SYN3: variants seen among roughly 807,000 people sequenced by gnomAD.
SYN3 encodes the protein synapsin-3.
SYN3 carries 35 observed loss-of-function variants against 65.8 expected under a neutral mutation model. That is an observed-to-expected ratio of 0.53 (90% confidence interval 0.41 to 0.70). The LOEUF (loss-of-function observed/expected upper bound fraction) is 0.70, where lower values mean the gene tolerates loss of function less well. Ranked by LOEUF, SYN3 falls within the 30% of genes least tolerant of loss-of-function variation. The pLI is 0.00. For synonymous variants in SYN3, 270 were observed against 292.9 expected (o/e 0.92, Z 0.80); for missense variants, 680 against 749.0 (o/e 0.91, Z 1.08).
At chr22:32,746,568 G>C (rs1405404861) in intron 6 of SYN3, among the ~76,000 whole-genome samples, 2 of 152,208 alleles carry the variant, frequency 1.3e-5, no homozygotes, top group African/African-American at 4.8e-5. Flanking sequence ...GACTGGGTGA[G>C]GGTTGGGCTC....
At chr22:32,634,341 A>G (rs903108522) in intron 6 of SYN3, among the ~76,000 whole-genome samples, 4 of 152,174 alleles carry the variant, frequency 2.6e-5, no homozygotes, top group African/African-American at 9.6e-5. Flanking sequence ...ATCTGACTCA[A>G]TAGAAGCATG....
chr22:32,748,009 T>C (rs1322119847), intron 6 of SYN3, among the ~76,000 whole-genome samples: 2 of 152,206 alleles, frequency 1.3e-5, no homozygotes, highest in African/African-American at 2.4e-5. Flanking sequence ...AGCCTGGACA[T>C]GGCCTCGTGT....
intron 3 of SYN3, among the ~76,000 whole-genome samples, chr22:32,937,196 T>G (rs2050797890): frequency 6.6e-6 from 1 of 151,910 alleles, no homozygotes; most frequent in East Asian, 1.9e-4. Context: ...GAAATGGAAG[T>G]TAAAACAACT....
At chr22:32,765,285 A>T (rs1460174859) in intron 6 of SYN3, among the ~76,000 whole-genome samples, 1 of 152,046 alleles carries the variant, frequency 6.6e-6, no homozygotes, top group East Asian at 1.9e-4. Context: ...AGGCGAGGAA[A>T]GAAAATACAC....
intron 7 of SYN3, among the ~76,000 whole-genome samples, chr22:32,556,814 T>C (rs1389402135): frequency 0.059 from 6,956 of 117,112 alleles, 1,293 homozygotes; most frequent in African/African-American, 0.11. Context: ...GTTTTTTTTT[T>C]TTTTTTTTTT....
chr22:32,782,491 C>T lies in SYN3; in HGVS notation c.711+82424G>A, dbSNP rs5754284. 5.9e-4 allele frequency among the ~76,000 whole-genome samples: 89 copies of T among 151,658 alleles called. No homozygotes were observed. In the East Asian group the frequency reaches 0.013, roughly 23 times the overall value. On this transcript the variant is annotated intron_variant, in intron 6 of 13. Transcript: ENST00000358763. ...TGTTGGGATTACAGGTAAGATCTAC[C>T]ACGCCTGGCCAGGCCTTGTAATTCT...
intron 6 of SYN3, among the ~76,000 whole-genome samples, chr22:32,856,455 G>A (rs2146281682): frequency 6.6e-6 from 1 of 152,206 alleles, no homozygotes; most frequent in Admixed American, 6.5e-5. Flanking sequence ...AGCTGAATAG[G>A]GGAGCGAGAT....
rs1423711035 is a variant in SYN3, at chr22:32,585,961, TATAC to T, written c.774+10709_774+10712del. On this transcript the variant is annotated intron_variant, in intron 7 of 13. Transcript: ENST00000358763. Reference sequence around the variant, plus strand: ...ATGTGTATGTATACATATATGTGTATATACGTATATATGTATATATGTATGTATA... The same window carrying T: ...ATGTGTATGTATACATATATGTGTATGTATATATGTATATATGTATGTATA... Among the ~76,000 whole-genome samples, 356 of 79,122 alleles carry T rather than the reference TATAC, an allele frequency of 4.5e-3. 1 individual carries two copies. The highest frequency in any genetic ancestry group is 0.023 in the Middle Eastern group (4 of 172). The allele number at this position is 79,122 out of a possible 152,430, so 51.9% of individuals were successfully genotyped here.
intron 3 of SYN3, among the ~76,000 whole-genome samples, chr22:32,946,320 A>G (rs1390455171): frequency 6.6e-6 from 1 of 152,218 alleles, no homozygotes; most frequent in African/African-American, 2.4e-5. Context: ...AGACTGGATT[A>G]AGAAAATGTG....
intron 4 of SYN3, among the ~76,000 whole-genome samples, chr22:32,885,851 G>C (rs972750558): frequency 6.6e-6 from 1 of 152,144 alleles, no homozygotes; most frequent in Non-Finnish European, 1.5e-5. Context: ...ATGAGCCACT[G>C]CACCAGGCCC....
intron 7 of SYN3, among the ~76,000 whole-genome samples, chr22:32,578,409 G>C (rs1191105422): frequency 3.9e-5 from 6 of 151,916 alleles, no homozygotes; most frequent in Non-Finnish European, 2.9e-5. Context: ...ACCACACCTG[G>C]CATTTTTTTA....
chr22:32,808,232 G>A (rs1212030686), intron 6 of SYN3, among the ~76,000 whole-genome samples: 2 of 152,176 alleles, frequency 1.3e-5, no homozygotes, highest in Non-Finnish European at 2.9e-5. Context: ...AAAGGTATAT[G>A]TGGCTGTGTT....
intron 2 of SYN3, among the ~76,000 whole-genome samples, chr22:32,999,636 T>C (rs776311408): frequency 1.3e-5 from 2 of 152,120 alleles, no homozygotes; most frequent in African/African-American, 4.8e-5. Flanking sequence ...TGAGCTGAGA[T>C]TGCGCCATTC....
intron 6 of SYN3, chr22:32,859,061 G>T (rs1474398049): frequency 3.7e-5 from 33 of 880,720 alleles, no homozygotes; most frequent in Non-Finnish European, 9.6e-6. Context: ...ATCACTGAGG[G>T]ACTGATGTGG....
chr22:32,617,398 G>A (rs1186722697), intron 6 of SYN3, among the ~76,000 whole-genome samples: 1 of 152,114 alleles, frequency 6.6e-6, no homozygotes, highest in Non-Finnish European at 1.5e-5. Context: ...ACTGGGCAAT[G>A]GGAATACGGA....
At chr22:32,639,665 G>A (rs183401282) in intron 6 of SYN3, among the ~76,000 whole-genome samples, 1 of 152,050 alleles carries the variant, frequency 6.6e-6, no homozygotes, top group East Asian at 1.9e-4. Context: ...TACCATCTCA[G>A]TCTCCCTAGT....
At chr22:32,756,979 A>G (rs2045307851) in intron 6 of SYN3, among the ~76,000 whole-genome samples, 1 of 151,976 alleles carries the variant, frequency 6.6e-6, no homozygotes, top group Admixed American at 6.6e-5. Flanking sequence ...TTTTGAAATG[A>G]TTAACAACTG....
chr22:32,593,382 G>A (rs1332795941), intron 7 of SYN3, among the ~76,000 whole-genome samples: 1 of 151,864 alleles, frequency 6.6e-6, no homozygotes, highest in African/African-American at 2.4e-5. Context: ...TAAGCACAGA[G>A]TTTAATTCTT....
chr22:32,534,164 C>T (rs1455001584), intron 9 of SYN3, among the ~76,000 whole-genome samples: 1 of 151,812 alleles, frequency 6.6e-6, no homozygotes, highest in Non-Finnish European at 1.5e-5. Flanking sequence ...CACGAGAGAG[C>T]CAGGAAGGAG....
Sources: allele counts gnomAD v4.1 joint callset (sites outside exome capture counted in the v4.1 genomes callset), GRCh38; gene constraint gnomAD v4.1.1; transcripts MANE v1.5; gene names NCBI Gene and HGNC (gene_info 2026-07-23, HGNC 2026-07-21).